The following FBXL18 variants were observed in gnomAD, a reference collection of about 807,000 sequenced individuals.
FBXL18 encodes the protein F-box and leucine rich repeat protein 18.
FBXL18 carries 36 observed loss-of-function variants against 46.0 expected under a neutral mutation model. The observed-to-expected ratio is 0.78, with a 90% CI of 0.60 to 1.03. FBXL18 has a LOEUF of 1.03. Ranked by LOEUF, FBXL18 falls within the 50% of genes least tolerant of loss-of-function variation. The pLI, the probability that FBXL18 is intolerant of heterozygous loss-of-function variation, is 0.00. For synonymous variants in FBXL18, 557 were observed against 465.3 expected (o/e 1.20, Z -2.54); for missense variants, 977 against 1,004.1 (o/e 0.97, Z 0.36).
Position 5,500,505 on chromosome 7 carries a change from C to G in FBXL18, c.1764G>C (p.Lys588Asn). The G allele has an allele frequency of 1.2e-6, 2 of 1,606,484 alleles. No individual in the cohort carries two copies. Among genetic ancestry groups the G allele is most frequent in the Non-Finnish European group, 1.7e-6 (2 of 1,175,270 alleles). Reference sequence around the variant, plus strand: ...CCCCTCACCTGAGGTCCCTCAGCCGCTTGCAGTGCTTCAACATGTCTGAGA... The same window carrying G: ...CCCCTCACCTGAGGTCCCTCAGCCGGTTGCAGTGCTTCAACATGTCTGAGA... Reference protein sequence around the residue: ...PALSDMLKHCKRLRDLRLEQP... With the variant: ...PALSDMLKHCNRLRDLRLEQP... The change falls in exon 3 of 5, where the codon AAG becomes AAC. Residue 588 changes from lysine (K) to asparagine (N), a missense_variant. Transcript: ENST00000382368.
downstream of FBXL18, among the ~76,000 whole-genome samples, chr7:5,475,215 C>A (rs10951955): frequency 3.6e-4 from 55 of 151,654 alleles, no homozygotes; most frequent in African/African-American, 9.4e-4. This position sits in a 1 kb window ranked among gnomAD's most constrained non-coding sequence, Gnocchi z 4.2. Flanking sequence ...CCAGCTACTC[C>A]GGAGGCTGAG....
chr7:5,508,548 G>A (rs1365788147), intron 1 of FBXL18, among the ~76,000 whole-genome samples: 1 of 151,386 alleles, frequency 6.6e-6, no homozygotes, highest in Non-Finnish European at 1.5e-5. Flanking sequence ...GGTTGAGGCT[G>A]CAGTGAGCTA....
At chr7:5,468,218 C>T (rs1179528753) in intron 4 of FBXL18, among the ~76,000 whole-genome samples, 2 of 152,062 alleles carry the variant, frequency 1.3e-5, no homozygotes, top group African/African-American at 2.4e-5. Context: ...CTCCTGACCT[C>T]GTGATCCGCC....
At chr7:5,469,088 C>T (rs914010903) in intron 4 of FBXL18, among the ~76,000 whole-genome samples, 2 of 151,992 alleles carry the variant, frequency 1.3e-5, no homozygotes, top group African/African-American at 4.8e-5. Flanking sequence ...GTGGACATGT[C>T]TGAGTGACTA....
Position 5,463,728 on chromosome 7 carries a change from A to ATTTATTTTTTTTTTTT in FBXL18, c.2001-15886_2001-15885insAAAAAAAAAAAATAAA, listed in dbSNP as rs1562672288. 9.8e-4 allele frequency among the ~76,000 whole-genome samples: 52 copies of ATTTATTTTTTTTTTTT among 53,012 alleles called. 1 individual carries two copies. The highest frequency in any genetic ancestry group is 1.5e-3 in the Non-Finnish European group (46 of 30,058). The allele number at this position is 53,012 out of a possible 152,430, so 34.8% of individuals were successfully genotyped here. On this transcript the variant is annotated intron_variant and NMD_transcript_variant, in intron 4 of 6. Transcript: ENST00000415009. ...TATTTATTTATTTATTTATTTATTT[A>ATTTATTTTTTTTTTTT]TTTTTTTTTTTTTTTTTTTTTTTTT... is the stretch of plus-strand genomic sequence containing the variant.
rs1490699635 is a variant in FBXL18 at position 5,496,456 on chromosome 7, G to A, written c.1781+4032C>T. 6.7e-6 allele frequency among the ~76,000 whole-genome samples: 1 copy of A among 149,750 alleles called. No homozygotes were observed. The highest frequency in any genetic ancestry group is 1.5e-5 in the Non-Finnish European group (1 of 67,512). On this transcript the variant is annotated intron_variant, in intron 3 of 4. Coordinates refer to ENST00000382368, the MANE Select transcript of FBXL18 (RefSeq NM_024963.6). The surrounding 1 kb of genome is among the most constrained non-coding windows in gnomAD (Gnocchi z 4.8). ...TGTCACGTGTGCCCCAGCCCAATCC[G>A]TGGGCTCACCTGGATCCATAGGTGG...
downstream of FBXL18, among the ~76,000 whole-genome samples, chr7:5,474,310 GTTTT>G (rs57034960): frequency 6.9e-6 from 1 of 144,834 alleles, no homozygotes; most frequent in Non-Finnish European, 1.5e-5. Flanking sequence ...TGTGCAGTTC[GTTTT>G]TTTTTTTTTT....
intron 1 of FBXL18, among the ~76,000 whole-genome samples, chr7:5,513,266 C>T (rs1285515187): frequency 4.6e-5 from 7 of 152,022 alleles, no homozygotes; most frequent in South Asian, 2.1e-4. Context: ...TGAAACTGAG[C>T]ATCCAGAGAT....
chr7:5,480,548 A>ATATATATATATATATTTT lies in FBXL18; in HGVS notation c.*1226_*1227insAAAATATATATATATATA. 1 of 40,336 alleles carries ATATATATATATATATTTT rather than the reference A, an allele frequency of 2.5e-5. No individual in the cohort carries two copies. Among genetic ancestry groups the ATATATATATATATATTTT allele is most frequent in the African/African-American group, 9.6e-5 (1 of 10,420 alleles). The allele number at this position is 40,336 out of a possible 1,614,324, so 2.5% of individuals were successfully genotyped here. On this transcript the variant is annotated 3_prime_UTR_variant, in exon 5 of 5. Transcript: ENST00000382368. ...GTTGAATATATATATATATATATAT[A>ATATATATATATATATTTT]TTTTTTTTTTTTTTTTTTTTTTTTT...
At chr7:5,457,410 G>A (rs376170490) in intron 4 of FBXL18, among the ~76,000 whole-genome samples, 24 of 152,198 alleles carry the variant, frequency 1.6e-4, no homozygotes, top group Admixed American at 7.2e-4. Context: ...GATCAAGCTC[G>A]ACCTGAAGCC....
At chr7:5,505,315 T>G in intron 2 of FBXL18, 97 bp downstream of exon 2, 1 of 1,168,908 alleles carries the variant, frequency 8.6e-7, no homozygotes, top group Non-Finnish European at 1.2e-6. Context: ...CCTGCCACCT[T>G]TATATCAGCA....
chr7:5,493,396 C>G (rs922273412), intron 3 of FBXL18, among the ~76,000 whole-genome samples: 2 of 152,068 alleles, frequency 1.3e-5, no homozygotes, highest in African/African-American at 2.4e-5. Context: ...CCCGGGTTCA[C>G]GCCATTCTCC....
At chr7:5,456,352 G>A (rs769546017) in intron 4 of FBXL18, among the ~76,000 whole-genome samples, 2 of 152,222 alleles carry the variant, frequency 1.3e-5, no homozygotes, top group African/African-American at 4.8e-5. Context: ...GAGCTTGGGG[G>A]CAGCTCGAAT....
intron 1 of FBXL18, among the ~76,000 whole-genome samples, chr7:5,510,377 T>C (rs1465842607): frequency 6.9e-6 from 1 of 145,292 alleles, no homozygotes; most frequent in African/African-American, 2.6e-5. Flanking sequence ...ACCTCGTCTC[T>C]ACAAAAAAAT....
chr7:5,491,634 C>T (rs1480557232), intron 3 of FBXL18, among the ~76,000 whole-genome samples, 185 bp from the exon 4 acceptor site: 4 of 152,194 alleles, frequency 2.6e-5, no homozygotes, highest in African/African-American at 9.7e-5. Flanking sequence ...CCCAGGGTCC[C>T]CCTTGGAGAT....
rs373347308 is a variant in FBXL18, at chr7:5,500,477, G to A, written c.1781+11C>T. ...CAGCAGAGGCCCGAGAGGTCCCCGC[G>A]GCCCCCTCACCTGAGGTCCCTCAGC... On this transcript the variant is annotated intron_variant, in intron 3 of 4. Transcript: ENST00000382368. 2.5e-6 allele frequency: 4 copies of A among 1,582,880 alleles called. No individual in the cohort carries two copies. Among genetic ancestry groups the A allele is most frequent in the African/African-American group, 2.7e-5 (2 of 74,280 alleles).
intron 4 of FBXL18, among the ~76,000 whole-genome samples, chr7:5,487,958 A>G (rs1245248261): frequency 1.3e-5 from 2 of 152,238 alleles, no homozygotes; most frequent in African/African-American, 4.8e-5. Context: ...AACACCACGC[A>G]GCAAGCATGG....
downstream of FBXL18, among the ~76,000 whole-genome samples, chr7:5,474,175 AGGGAGGGGGCTG>A (rs564555044): frequency 8.2e-4 from 124 of 152,112 alleles, 1 homozygote; most frequent in African/African-American, 2.9e-3. Context: ...CCTGGGGCTG[AGGGAGGGGGCTG>A]GGGAGTGAAT....
chr7:5,466,729 G>A (rs574053620), intron 4 of FBXL18, among the ~76,000 whole-genome samples: 4 of 152,148 alleles, frequency 2.6e-5, no homozygotes, highest in African/African-American at 9.7e-5. Flanking sequence ...TCACAGCACC[G>A]CCGTGCCACG....
Sources: allele counts gnomAD v4.1 joint callset (sites outside exome capture counted in the v4.1 genomes callset), GRCh38; gene constraint gnomAD v4.1.1; non-coding constraint Gnocchi (gnomAD v3.1); transcripts MANE v1.5; gene names NCBI Gene and HGNC (gene_info 2026-07-23, HGNC 2026-07-21).